GPR158: variants seen among roughly 807,000 people sequenced by gnomAD.
The protein encoded by GPR158 is G protein-coupled receptor 158.
In GPR158, 30 loss-of-function variants were observed where a neutral mutation model predicts 78.2. The observed-to-expected ratio is 0.38, with a 90% confidence interval of 0.29 to 0.52. The LOEUF is 0.52. Ranked by LOEUF, GPR158 falls within the 20% of genes least tolerant of loss-of-function variation. The pLI, the probability that GPR158 is intolerant of heterozygous loss-of-function variation, is 0.83. For synonymous variants in GPR158, 581 were observed against 591.1 expected (o/e 0.98, Z 0.25); for missense variants, 1,463 against 1,523.5 (o/e 0.96, Z 0.66).
chr10:25,593,582 T>G (rs1226501749), intron 8 of GPR158, among the ~76,000 whole-genome samples: 5 of 152,198 alleles, frequency 3.3e-5, no homozygotes, highest in African/African-American at 1.2e-4. Flanking sequence ...CCTATTAATT[T>G]CTGAAAATAT....
At chr10:25,594,647 A>G (rs540983113) in intron 9 of GPR158, among the ~76,000 whole-genome samples, 7 of 152,240 alleles carry the variant, frequency 4.6e-5, no homozygotes, top group Admixed American at 2.0e-4. Flanking sequence ...GATGTCTAGT[A>G]TGTTTTAATT....
At chr10:25,503,031 A>G (rs1038091315) in intron 5 of GPR158, among the ~76,000 whole-genome samples, 2 of 152,178 alleles carry the variant, frequency 1.3e-5, no homozygotes, top group African/African-American at 4.8e-5. Context: ...CTCTGAAATC[A>G]TGAGTGTAAC....
intron 4 of GPR158, among the ~76,000 whole-genome samples, chr10:25,426,736 A>C (rs527622584): frequency 5.9e-4 from 90 of 152,246 alleles, no homozygotes; most frequent in African/African-American, 2.1e-3. Context: ...AATAATAATG[A>C]AAATGTTGTG....
chr10:25,308,299 A>T (rs534025), intron 2 of GPR158, among the ~76,000 whole-genome samples: 3 of 152,012 alleles, frequency 2.0e-5, no homozygotes, highest in Admixed American at 6.6e-5. Flanking sequence ...TGCTCTCCCG[A>T]CTCAAACCTA....
intron 3 of GPR158, among the ~76,000 whole-genome samples, chr10:25,411,100 T>G (rs1003985046): frequency 1.2e-4 from 18 of 146,898 alleles, no homozygotes; most frequent in African/African-American, 4.2e-4. Context: ...TTCTGTTTTG[T>G]TTTTTTTTTC....
chr10:25,327,864 A>G (rs1855059278), intron 2 of GPR158, among the ~76,000 whole-genome samples: 1 of 152,182 alleles, frequency 6.6e-6, no homozygotes. Context: ...TGATTGGAAT[A>G]TTTTTAAAAT....
chr10:25,495,295 C>T (rs373479322), intron 5 of GPR158, among the ~76,000 whole-genome samples: 46 of 91,050 alleles, frequency 5.1e-4, no homozygotes, highest in South Asian at 1.3e-3. Context: ...TTCTTTTCTG[C>T]TTTTTTTTTT....
chr10:25,432,136 C>T (rs1834918606), intron 4 of GPR158, among the ~76,000 whole-genome samples: 1 of 152,030 alleles, frequency 6.6e-6, no homozygotes, highest in Non-Finnish European at 1.5e-5. Flanking sequence ...AACCTAAAAA[C>T]CAATCAAACA....
At chr10:25,394,648 T>C (rs1834344834) in intron 2 of GPR158, among the ~76,000 whole-genome samples, 1 of 152,188 alleles carries the variant, frequency 6.6e-6, no homozygotes, top group Non-Finnish European at 1.5e-5. Flanking sequence ...AAATTGGATA[T>C]GTGTGTGTTA....
intron 3 of GPR158, among the ~76,000 whole-genome samples, chr10:25,407,833 C>G (rs1223846219): frequency 6.6e-6 from 1 of 152,164 alleles, no homozygotes; most frequent in East Asian, 1.9e-4. Context: ...CCTGCTCTTT[C>G]CCTTGTCCTC....
Position 25,598,528 on chromosome 10 carries a change from A to G in GPR158, c.2902A>G (p.Arg968Gly). 1 of 1,613,762 alleles carries G rather than the reference A, an allele frequency of 6.2e-7. No homozygotes were observed. Among genetic ancestry groups the G allele is most frequent in the Non-Finnish European group, 8.5e-7 (1 of 1,179,946 alleles). Reference protein sequence around the residue: ...PQNSNPAEEPRKPQKSGIMKQ... With the variant: ...PQNSNPAEEPGKPQKSGIMKQ... ...AAACTCAAATCCTGCGGAGGAGCCAAGAAAGCCTCAGAAATCTGGGATTAT... is the reference window on the plus strand; with the variant it reads ...AAACTCAAATCCTGCGGAGGAGCCAGGAAAGCCTCAGAAATCTGGGATTAT... The change falls in exon 11 of 11, where the codon AGA (arginine) becomes GGA (glycine). Residue 968 changes from arginine to glycine, a missense_variant. Coordinates refer to ENST00000376351, the MANE Select transcript of GPR158 (RefSeq NM_020752.3).
chr10:25,422,856 C>CCG (rs901201621), intron 4 of GPR158, among the ~76,000 whole-genome samples: 3 of 147,392 alleles, frequency 2.0e-5, no homozygotes, highest in Non-Finnish European at 3.0e-5. Flanking sequence ...CCTTACCCCC[C>CCG]CCACACTTTC....
chr10:25,200,863 G>GTTTTTTTTTTTT (rs1209435056), intron 1 of GPR158, among the ~76,000 whole-genome samples: 1 of 84,504 alleles, frequency 1.2e-5, no homozygotes, highest in Non-Finnish European at 2.4e-5. Flanking sequence ...TCTGTTTTTT[G>GTTTTTTTTTTTT]TTTTGTTTTT....
chr10:25,363,850 ATGAC>A (rs1855677773), intron 2 of GPR158, among the ~76,000 whole-genome samples: 1 of 151,898 alleles, frequency 6.6e-6, no homozygotes, highest in Non-Finnish European at 1.5e-5. Flanking sequence ...CAACTGAAAA[ATGAC>A]TGACAACTTT....
chr10:25,504,455 G>A lies in GPR158; in HGVS notation c.1404+37736G>A, dbSNP rs139580643. 2.5e-3 allele frequency among the ~76,000 whole-genome samples: 375 copies of A among 152,190 alleles called. 4 individuals are homozygous for A. The highest frequency in any genetic ancestry group is 8.7e-3 in the African/African-American group (360 of 41,518). ...GACTCTAATCTCTTAGCCTTGTTTG[G>A]TTCTTTACTTCCTAGCCTTTGGCTA... On this transcript the variant is annotated intron_variant, in intron 5 of 10. Coordinates refer to ENST00000376351, the MANE Select transcript of GPR158 (RefSeq NM_020752.3).
intron 9 of GPR158, 66 bp from the exon 10 acceptor site, chr10:25,596,574 TATA>T: frequency 9.5e-7 from 1 of 1,052,398 alleles, no homozygotes; most frequent in South Asian, 1.4e-5. Context: ...TAGGTATAGA[TATA>T]GATATAGATA....
intron 2 of GPR158, among the ~76,000 whole-genome samples, chr10:25,309,126 G>T (rs914494777): frequency 6.6e-6 from 1 of 152,086 alleles, no homozygotes; most frequent in Non-Finnish European, 1.5e-5. Context: ...TTGAGGAGCT[G>T]CTATCCTGTT....
chr10:25,374,544 AAT>A (rs1288743444), intron 2 of GPR158, among the ~76,000 whole-genome samples: 1 of 151,782 alleles, frequency 6.6e-6, no homozygotes, highest in Non-Finnish European at 1.5e-5. Flanking sequence ...TTCTATTCAT[AAT>A]TGCCATACCC....
chr10:25,428,042 A>G (rs757386575), intron 4 of GPR158, among the ~76,000 whole-genome samples: 3 of 152,070 alleles, frequency 2.0e-5, no homozygotes, highest in African/African-American at 7.2e-5. Context: ...ATGAGTTGGA[A>G]TATATAAATT....
Sources: allele counts gnomAD v4.1 joint callset (sites outside exome capture counted in the v4.1 genomes callset), GRCh38; gene constraint gnomAD v4.1.1; transcripts MANE v1.5; gene names NCBI Gene and HGNC (gene_info 2026-07-23, HGNC 2026-07-21).